The following MYO5A variants were observed in gnomAD, a reference collection of about 807,000 sequenced individuals.
MYO5A encodes myosin VA.
Under a neutral mutation model 249.7 loss-of-function variants are expected in MYO5A, and 98 were observed. The observed-to-expected ratio is 0.39, with a 90% CI of 0.33 to 0.46. MYO5A has a LOEUF of 0.46. MYO5A is among the 20% of genes least tolerant of loss of function. MYO5A has a pLI of 0.98. For missense variants in MYO5A, 1,696 were observed against 2,308.8 expected (o/e 0.73, Z 5.44); for synonymous variants, 778 against 810.6 (o/e 0.96, Z 0.68).
intron 12 of MYO5A, among the ~76,000 whole-genome samples, chr15:52,390,619 G>C (rs2042187179): frequency 6.8e-6 from 1 of 148,088 alleles, no homozygotes; most frequent in Admixed American, 6.7e-5. Context: ...GAGTGCAATG[G>C]CACAATCTCG....
At chr15:52,402,752 G>A (rs1173153849) in intron 9 of MYO5A, among the ~76,000 whole-genome samples, 2 of 152,066 alleles carry the variant, frequency 1.3e-5, no homozygotes, top group African/African-American at 4.8e-5. Context: ...GGCTGAGGCT[G>A]GAGAATAGCT....
chr15:52,390,910 C>T (rs1161642140), intron 12 of MYO5A, among the ~76,000 whole-genome samples: 1 of 152,102 alleles, frequency 6.6e-6, no homozygotes, highest in Admixed American at 6.6e-5. Context: ...ATTCTACACA[C>T]TCATTGCATT....
In MYO5A at chr15:52,354,128, C is replaced by T. The variant is rs2141027594; in HGVS notation, c.3424-114G>A. 2.5e-6 allele frequency: 3 copies of T among 1,222,260 alleles called. No homozygotes were observed. The East Asian group carries it at 7.2e-5, about 29-fold the overall frequency. The allele number at this position is 1,222,260 out of a possible 1,614,324, so 75.7% of individuals were successfully genotyped here. A position where few individuals can be genotyped will look rare whatever the true frequency, so the allele number is the denominator to read the frequency against. On this transcript the variant is annotated intron_variant, in intron 25 of 41. Transcript: ENST00000399233. ...AGGCAAACTTACAGAATAAGAAATA[C>T]AAACATCTAGAGAATATATTTTTAA...
intron 4 of MYO5A, among the ~76,000 whole-genome samples, chr15:52,422,394 C>G (rs1484657341): frequency 6.6e-6 from 1 of 152,116 alleles, no homozygotes; most frequent in African/African-American, 2.4e-5. Flanking sequence ...CTGCTCCCTT[C>G]CCCCTACTCC....
At chr15:52,476,257 C>A (rs1379614323) in intron 1 of MYO5A, among the ~76,000 whole-genome samples, 1 of 152,066 alleles carries the variant, frequency 6.6e-6, no homozygotes, top group African/African-American at 2.4e-5. Context: ...AGATCTTCCT[C>A]CATCCCTTTA....
chr15:52,415,929 T>C (rs905943440), intron 5 of MYO5A: 9 of 606,258 alleles, frequency 1.5e-5, no homozygotes, highest in Non-Finnish European at 2.3e-5. Flanking sequence ...GATTATAGAC[T>C]AAAACAGATT....
intron 1 of MYO5A, among the ~76,000 whole-genome samples, chr15:52,495,116 A>C (rs2077012047): frequency 6.6e-6 from 1 of 152,194 alleles, no homozygotes; most frequent in Admixed American, 6.5e-5. Flanking sequence ...TTGACTTTAA[A>C]ATGGCCAAAA....
rs1250645527 is a variant in MYO5A, at chr15:52,330,494, G to A, written c.4414C>T (p.Gln1472Ter). 1 of 1,613,916 alleles carries A rather than the reference G, an allele frequency of 6.2e-7. No homozygotes were observed. The highest frequency in any genetic ancestry group is 8.5e-7 in the Non-Finnish European group (1 of 1,179,940). The change falls in exon 35 of 42, where the codon CAG (glutamine) becomes TAG (stop). Residue 1472 changes from glutamine to a stop codon, truncating the protein, a stop_gained. Coordinates refer to ENST00000399233, the MANE Select transcript of MYO5A (RefSeq NM_001382347.1). LOFTEE classifies it high-confidence loss of function. ...TGTCCTGGGGATATGTTCTCCATCT[G>A]GCCCACTTTATGAGAAGTAAGAAAG... Reference protein sequence around the residue: ...AKKIGELEVGQMENISPGQII... With the variant: ...AKKIGELEVG
At chr15:52,357,812 G>A (rs934036793) in intron 25 of MYO5A, among the ~76,000 whole-genome samples, 1 of 152,156 alleles carries the variant, frequency 6.6e-6, no homozygotes, top group African/African-American at 2.4e-5. Flanking sequence ...TTTTGCCTTA[G>A]TAAGGACTTT....
intron 22 of MYO5A, among the ~76,000 whole-genome samples, chr15:52,368,702 C>T (rs2040940264): frequency 6.6e-6 from 1 of 152,260 alleles, no homozygotes; most frequent in Non-Finnish European, 1.5e-5. Flanking sequence ...GCCAGGAGTT[C>T]AAGACCAGCC....
At position 52,313,794 on chromosome 15, in the gene MYO5A, T is replaced by G; in HGVS notation, c.5545A>C (p.Ile1849Leu). The G allele has an allele frequency of 3.1e-6, 5 of 1,614,110 alleles. No homozygotes were observed. Among genetic ancestry groups the G allele is most frequent in the Non-Finnish European group, 4.2e-6 (5 of 1,180,018 alleles). The stretch of plus-strand genomic sequence containing the variant: ...TTGAAAGGAAAGGTGACAGGAAAGA[T>G]GTGTTTAGCATCCATGAGCAGCTGG... ...SPQLLMDAKH[I>L]FPVTFPFNPS... The change falls in exon 42 of 42, where the codon ATC becomes CTC. Residue 1849 changes from isoleucine (I) to leucine (L), a missense_variant. Physicochemically the swap from Ile to Leu is conservative, Grantham distance 5. This residue lies in a region of MYO5A where 625 missense variants were observed against 908.1 expected (regional missense o/e 0.69). Transcript: ENST00000399233.
chr15:52,516,024 T>C (rs939082366), intron 1 of MYO5A, among the ~76,000 whole-genome samples: 1 of 152,214 alleles, frequency 6.6e-6, no homozygotes. Flanking sequence ...CATTTCTTAA[T>C]ATATTATAAG....
At chr15:52,481,103 G>A (rs1235056168) in intron 1 of MYO5A, among the ~76,000 whole-genome samples, 1 of 152,182 alleles carries the variant, frequency 6.6e-6, no homozygotes, top group East Asian at 1.9e-4. Flanking sequence ...GACTTTGGAG[G>A]TTAGAACTAG....
chr15:52,519,015 G>A (rs1381557265), intron 1 of MYO5A, among the ~76,000 whole-genome samples: 1 of 152,144 alleles, frequency 6.6e-6, no homozygotes, highest in Non-Finnish European at 1.5e-5. Context: ...CAGGGCATAA[G>A]GGGTGGGTAG....
chr15:52,323,743 C>A (rs2038442797), intron 36 of MYO5A: 1 of 350,886 alleles, frequency 2.8e-6, no homozygotes, highest in Non-Finnish European at 5.5e-6. Context: ...GTGGCTCACA[C>A]CTGTAATCCC....
chr15:52,415,918 G>C, intron 5 of MYO5A: 1 of 572,162 alleles, frequency 1.7e-6, no homozygotes, highest in Non-Finnish European at 3.0e-6. Context: ...CAAAAATTCA[G>C]GATTATAGAC....
At chr15:52,378,945 C>T (rs1375699712) in intron 18 of MYO5A, among the ~76,000 whole-genome samples, 2 of 152,162 alleles carry the variant, frequency 1.3e-5, no homozygotes, top group Admixed American at 1.3e-4. Flanking sequence ...AACTCTTTAG[C>T]CTGGTCTGCA....
At chr15:52,361,807 A>G (rs543626420) in intron 24 of MYO5A, among the ~76,000 whole-genome samples, 1 of 152,284 alleles carries the variant, frequency 6.6e-6, no homozygotes, top group East Asian at 1.9e-4. Context: ...ACAAGGATAT[A>G]TATTTGACTG....
intron 16 of MYO5A, among the ~76,000 whole-genome samples, chr15:52,381,131 A>G (rs181355789): frequency 6.4e-4 from 97 of 152,252 alleles, no homozygotes; most frequent in African/African-American, 2.3e-3. Context: ...TGTGACTCCC[A>G]TAGTTAAGTT....
Sources: allele counts gnomAD v4.1 joint callset (sites outside exome capture counted in the v4.1 genomes callset), GRCh38; gene constraint gnomAD v4.1.1; regional missense constraint gnomAD v4.1.1; transcripts MANE v1.5; gene names NCBI Gene and HGNC (gene_info 2026-07-23, HGNC 2026-07-21).